The following TNRC18 variants were observed in gnomAD, a reference collection of about 807,000 sequenced individuals.
The protein encoded by TNRC18 is trinucleotide repeat containing 18, also known as trinucleotide repeat-containing gene 18 protein.
Under a neutral mutation model 226.7 loss-of-function variants are expected in TNRC18, and 69 were observed. The ratio of observed to expected loss-of-function variants is 0.30; its 90% CI spans 0.25 to 0.37. The LOEUF (loss-of-function observed/expected upper bound fraction) is 0.37, where lower values mean the gene tolerates loss of function less well. TNRC18 is among the 10% of genes least tolerant of loss of function. The pLI is 1.00. For missense variants in TNRC18, 4,754 were observed against 4,256.6 expected, an observed-to-expected ratio of 1.12 and a Z score of -3.25; for synonymous variants, 2,449 against 1,927.6, an observed-to-expected ratio of 1.27 and a Z score of -7.09.
intron 16 of TNRC18, among the ~76,000 whole-genome samples, chr7:5,354,497 A>G (rs1792141272): frequency 6.6e-6 from 1 of 151,998 alleles, no homozygotes; most frequent in African/African-American, 2.4e-5. Context: ...TTGAGAGAGC[A>G]AAAGAAAGCC....
intron 21 of TNRC18, among the ~76,000 whole-genome samples, chr7:5,322,580 C>A (rs1269145207): frequency 2.0e-5 from 3 of 152,244 alleles, no homozygotes; most frequent in African/African-American, 7.2e-5. Context: ...GTGCATGTGA[C>A]CACACCCCAC....
rs1172907008 is a variant in TNRC18, at chr7:5,421,310, A to C, written c.-64T>G. On this transcript the variant is annotated 5_prime_UTR_variant, in exon 2 of 30. Transcript: ENST00000430969. ...CGCAGGCCTAGCTCAGTGGGACCTA[A>C]AAGTTCGGCCTCGGCGTAGTCCCAG... is the stretch of plus-strand genomic sequence containing the variant. 17 of 1,223,380 alleles carry C rather than the reference A, an allele frequency of 1.4e-5. No homozygotes were observed. The East Asian group carries it at 5.5e-4, about 39-fold the overall frequency. 75.8% of individuals were successfully genotyped at this position (1,223,380 alleles called of 1,614,324 possible).
intron 18 of TNRC18, among the ~76,000 whole-genome samples, chr7:5,336,122 A>C (rs1790090555): frequency 6.6e-6 from 1 of 151,688 alleles, no homozygotes; most frequent in Non-Finnish European, 1.5e-5. Flanking sequence ...CACAAGAATT[A>C]CTTGAGCCCA....
rs547210947 is a variant in TNRC18, at chr7:5,420,838, G to A, written c.187+222C>T. ...ACCACACCGGCTTTCGGCTCACGAG[G>A]GCCAAGCACGCTACGGAAAAGGTAG... On this transcript the variant is annotated intron_variant, in intron 2 of 29. Transcript: ENST00000430969. The A allele has an allele frequency of 3.7e-5, 27 of 721,752 alleles. 1 individual carries two copies. Among genetic ancestry groups the A allele is most frequent in the South Asian group, 3.0e-4 (20 of 67,124 alleles). The allele number at this position is 721,752 out of a possible 1,614,324, so 44.7% of individuals were successfully genotyped here. A position where few individuals can be genotyped will look rare whatever the true frequency, so the allele number is the denominator to read the frequency against.
intron 5 of TNRC18, among the ~76,000 whole-genome samples, chr7:5,379,625 A>C (rs7803121): frequency 0.25 from 37,576 of 152,016 alleles, 8,870 homozygotes; most frequent in African/African-American, 0.62. Context: ...CCCTCCTGGT[A>C]CCTCCTTGTC....
chr7:5,333,752 C>T (rs1789803124), intron 18 of TNRC18, among the ~76,000 whole-genome samples: 2 of 152,302 alleles, frequency 1.3e-5, no homozygotes, highest in South Asian at 4.1e-4. Flanking sequence ...CACAAAGCAC[C>T]AGCTCCCCCG....
At chr7:5,345,868 C>T in intron 17 of TNRC18, 58 bp from the exon 18 acceptor site, 2 of 1,494,820 alleles carry the variant, frequency 1.3e-6, no homozygotes, top group Non-Finnish European at 8.9e-7. Flanking sequence ...GGGCCACCCC[C>T]CACCGCCCCC....
Position 5,351,723 on chromosome 7 carries a change from A to G in TNRC18, c.5470+96T>C, listed in dbSNP as rs1041979132. On this transcript the variant is annotated intron_variant, in intron 17 of 29. Transcript: ENST00000430969. ...ATCCGCACGGGCCTCCTCACCCACC[A>G]TCTCTCCCGTGCGCCCACTCGCTTC... is the stretch of plus-strand genomic sequence containing the variant. 18 of 1,391,622 alleles carry G rather than the reference A, an allele frequency of 1.3e-5. No homozygotes were observed. In the Admixed American group the frequency reaches 2.6e-4, roughly 20 times the overall value. The allele number at this position is 1,391,622 out of a possible 1,614,324, so 86.2% of individuals were successfully genotyped here. A position where few individuals can be genotyped will look rare whatever the true frequency, so the allele number is the denominator to read the frequency against.
chr7:5,407,757 T>G (rs1406120588), intron 2 of TNRC18, among the ~76,000 whole-genome samples: 1 of 152,182 alleles, frequency 6.6e-6, no homozygotes, highest in African/African-American at 2.4e-5. Context: ...GCTCCAGACT[T>G]TGTCAATTCT....
intron 5 of TNRC18, among the ~76,000 whole-genome samples, chr7:5,384,196 G>A (rs917834501): frequency 1.2e-4 from 19 of 152,106 alleles, no homozygotes; most frequent in African/African-American, 3.9e-4. Flanking sequence ...TCAAACTCCT[G>A]ACCTCGGGTG....
chr7:5,340,172 T>G (rs1357302730), intron 18 of TNRC18, among the ~76,000 whole-genome samples: 1 of 152,348 alleles, frequency 6.6e-6, no homozygotes, highest in East Asian at 1.9e-4. Context: ...ACTGCCAGGC[T>G]GTGAATGCAA....
intron 16 of TNRC18, 112 bp downstream of exon 16, chr7:5,356,804 G>C: frequency 7.2e-7 from 1 of 1,379,514 alleles, no homozygotes. Context: ...CAGAGAGAGA[G>C]CGAGAGCGAG....
intron 2 of TNRC18, among the ~76,000 whole-genome samples, chr7:5,415,831 G>C (rs1019578152): frequency 2.0e-5 from 3 of 151,818 alleles, no homozygotes; most frequent in Non-Finnish European, 4.4e-5. Context: ...GTTAAGCTGG[G>C]AGTGGTGGCT....
rs752615353 is a variant in TNRC18, at chr7:5,389,075, C to T, written c.749G>A (p.Arg250His). Reference protein sequence around the residue: ...DLTQEARAEGRQDRGPPRLAE... With the variant: ...DLTQEARAEGHQDRGPPRLAE... ...CAGGCGCGGGGGCCCCCGGTCCTGG[C>T]GGCCCTCGGCGCGCGCCTCCTGGGT... The change falls in exon 5 of 30, where the codon CGC becomes CAC. Residue 250 changes from arginine to histidine, a missense_variant. Transcript: ENST00000430969. The T allele has an allele frequency of 2.4e-5, 31 of 1,279,022 alleles. 1 individual carries two copies. The highest frequency in any genetic ancestry group is 2.9e-5 in the Non-Finnish European group (29 of 1,005,688). The allele number at this position is 1,279,022 out of a possible 1,614,324, so 79.2% of individuals were successfully genotyped here.
intron 18 of TNRC18, 45 bp downstream of exon 18, chr7:5,345,517 G>GGGGGGGCCCCACCCCCCCCCCCCCCCC: frequency 2.6e-6 from 1 of 377,744 alleles, no homozygotes; most frequent in Non-Finnish European, 4.8e-6. Flanking sequence ...AATGGCGTCC[G>GGGGGGGCCCCACCCCCCCCCCCCCCCC]CCCCTCCCAC....
At position 5,329,247 on chromosome 7, in the gene TNRC18, G is replaced by A. The variant is rs540658796; in HGVS notation, c.6147+3375C>T. 5.9e-5 allele frequency among the ~76,000 whole-genome samples: 9 copies of A among 151,414 alleles called. 1 individual carries two copies. The highest frequency in any genetic ancestry group is 1.3e-4 in the Admixed American group (2 of 15,190). ...TAATCTGGGAGGCAGAGGTTTCAGC[G>A]AGCCAAGATCTCACCACTGTACTCC... On this transcript the variant is annotated intron_variant, in intron 19 of 29. Coordinates refer to ENST00000430969, the MANE Select transcript of TNRC18 (RefSeq NM_001080495.3).
At chr7:5,417,209 T>A (rs1782248528) in intron 2 of TNRC18, among the ~76,000 whole-genome samples, 1 of 151,016 alleles carries the variant, frequency 6.6e-6, no homozygotes, top group Admixed American at 6.6e-5. Context: ...GGTACACACC[T>A]GAAATCCCAG....
Position 5,308,932 on chromosome 7 carries a change from G to A in TNRC18, c.8643C>T (p.Ser2881=). 1.9e-6 allele frequency: 3 copies of A among 1,605,100 alleles called. No individual in the cohort carries two copies. Among genetic ancestry groups the A allele is most frequent in the South Asian group, 1.1e-5 (1 of 89,568 alleles). The change falls in exon 29 of 30, where the codon TCC becomes TCT. Residue 2881 remains serine, a synonymous_variant. Coordinates refer to ENST00000430969, the MANE Select transcript of TNRC18 (RefSeq NM_001080495.3). ...FHQGQHWDQK[S]SRSLPAALRV... ...GCAGGGCCGCCGGGAGGCTGCGGCT[G>A]GACTTCTGGTCCCAGTGCTGTGTGG...
chr7:5,404,377 A>G (rs1273597517), intron 2 of TNRC18, among the ~76,000 whole-genome samples: 1 of 152,126 alleles, frequency 6.6e-6, no homozygotes, highest in Non-Finnish European at 1.5e-5. Flanking sequence ...TCTTGAGAAA[A>G]AAAAAGAATC....
Sources: gnomAD v4.1 joint callset for allele counts (sites outside exome capture counted in the v4.1 genomes callset) on GRCh38, gnomAD v4.1.1 for gene constraint, MANE v1.5 for transcripts, NCBI Gene and HGNC (gene_info 2026-07-23, HGNC 2026-07-21) for gene names.